The following C1QTNF7 variants were observed in gnomAD, a reference collection of about 807,000 sequenced individuals.
The protein encoded by C1QTNF7 is complement C1q tumor necrosis factor-related protein 7.
In C1QTNF7, 15 loss-of-function variants were observed where a neutral mutation model predicts 19.6. The ratio of observed to expected loss-of-function variants is 0.76; its 90% CI spans 0.51 to 1.18. The LOEUF is 1.18. Among genes scored for constraint, C1QTNF7 ranks in the 50% most tolerant of loss-of-function variants. C1QTNF7 has a pLI of 0.00. For synonymous variants in C1QTNF7, 142 were observed against 137.5 expected, an observed-to-expected ratio of 1.03 and a Z score of -0.23; for missense variants, 324 against 359.7, an observed-to-expected ratio of 0.90 and a Z score of 0.80.
At chr4:15,390,987 T>C (rs1430764435) in intron 1 of C1QTNF7, among the ~76,000 whole-genome samples, 1 of 152,082 alleles carries the variant, frequency 6.6e-6, no homozygotes, top group African/African-American at 2.4e-5. Context: ...ACTCTTTCAA[T>C]TGAAAGCAAT....
At chr4:15,424,998 C>T (rs1212540554), upstream of C1QTNF7, among the ~76,000 whole-genome samples, 1 of 152,044 alleles carries the variant, frequency 6.6e-6, no homozygotes, top group Non-Finnish European at 1.5e-5. Flanking sequence ...CTACTGAATA[C>T]CCAGACCAAG....
Position 15,443,966 on chromosome 4 carries a change from G to A in C1QTNF7, c.*1167G>A, listed in dbSNP as rs189856302. The A allele has an allele frequency of 6.6e-6, 1 of 152,318 alleles. No individual in the cohort carries two copies. Among genetic ancestry groups the A allele is most frequent in the Non-Finnish European group, 1.5e-5 (1 of 68,036 alleles). 9.4% of individuals were successfully genotyped at this position (152,318 alleles called of 1,614,324 possible). A position where few individuals can be genotyped will look rare whatever the true frequency, so the allele number is the denominator to read the frequency against. On this transcript the variant is annotated 3_prime_UTR_variant, in exon 3 of 3. Coordinates refer to ENST00000444304, the MANE Select transcript of C1QTNF7 (RefSeq NM_031911.5). ...AGGAGGGAGAGAGCCAAATGTCTGA[G>A]TAAACAGATATCCCTTCCAAGTCTC...
At chr4:15,378,415 G>A (rs1478362424) in intron 1 of C1QTNF7, among the ~76,000 whole-genome samples, 1 of 152,090 alleles carries the variant, frequency 6.6e-6, no homozygotes, top group Non-Finnish European at 1.5e-5. Context: ...ATAAGTAATT[G>A]TATGAAAAGA....
Position 15,446,166 on chromosome 4 carries a change from G to C in C1QTNF7, c.*3367G>C, listed in dbSNP as rs1474484804. ...ATGAACGTAAATAAATTTTAGATAT[G>C]AGCTGGGTTAGTCCATTTGCATTGC... On this transcript the variant is annotated 3_prime_UTR_variant, in exon 3 of 3. Coordinates refer to ENST00000444304, the MANE Select transcript of C1QTNF7 (RefSeq NM_031911.5). The C allele has an allele frequency of 6.6e-6, 1 of 152,160 alleles. No individual in the cohort carries two copies. Among genetic ancestry groups the C allele is most frequent in the Non-Finnish European group, 1.5e-5 (1 of 68,028 alleles). 9.4% of individuals were successfully genotyped at this position (152,160 alleles called of 1,614,324 possible).
At chr4:15,362,139 C>T (rs976508806) in intron 1 of C1QTNF7, among the ~76,000 whole-genome samples, 23 of 152,254 alleles carry the variant, frequency 1.5e-4, no homozygotes, top group Middle Eastern at 3.4e-3. Context: ...ATGGCTGTTG[C>T]AAAAATTAAT....
intron 1 of C1QTNF7, among the ~76,000 whole-genome samples, chr4:15,412,077 CTG>C (rs1379324827): frequency 6.6e-6 from 1 of 152,122 alleles, no homozygotes; most frequent in Non-Finnish European, 1.5e-5. Flanking sequence ...CCATTGTGAA[CTG>C]TGTATGAGAG....
chr4:15,369,811 G>A (rs1443740427), intron 1 of C1QTNF7, among the ~76,000 whole-genome samples: 7 of 152,268 alleles, frequency 4.6e-5, no homozygotes, highest in Middle Eastern at 3.4e-3. Flanking sequence ...ATAATGGAAG[G>A]TAAGCACCAT....
chr4:15,360,288 TAA>T (rs1446134426), intron 1 of C1QTNF7, among the ~76,000 whole-genome samples: 1 of 152,174 alleles, frequency 6.6e-6, no homozygotes, highest in Non-Finnish European at 1.5e-5. Context: ...TTATGTTCTA[TAA>T]AGTCATAGTG....
intron 1 of C1QTNF7, among the ~76,000 whole-genome samples, chr4:15,411,320 CTT>C (rs905618596): frequency 6.6e-6 from 1 of 152,016 alleles, no homozygotes; most frequent in Non-Finnish European, 1.5e-5. Context: ...GCAAGGAAGA[CTT>C]ATTTTCACTA....
chr4:15,402,134 T>C (rs185669188), intron 1 of C1QTNF7, among the ~76,000 whole-genome samples: 178 of 152,346 alleles, frequency 1.2e-3, no homozygotes, highest in African/African-American at 4.0e-3. Flanking sequence ...ATGTGTTGTT[T>C]AGAGAACAGA....
At chr4:15,441,280 C>T (rs887707424) in intron 2 of C1QTNF7, among the ~76,000 whole-genome samples, 1 of 152,232 alleles carries the variant, frequency 6.6e-6, no homozygotes, top group African/African-American at 2.4e-5. Context: ...TATGGCTCAG[C>T]TTCCTCATTT....
chr4:15,345,890 C>T (rs1282761652), intron 1 of C1QTNF7, among the ~76,000 whole-genome samples: 5 of 152,134 alleles, frequency 3.3e-5, no homozygotes, highest in Non-Finnish European at 7.3e-5. Context: ...AGGTAAGTAG[C>T]TCACCTAACG....
chr4:15,442,118 G>T (rs376919397), intron 2 of C1QTNF7, 50 bp from the exon 3 acceptor site: 88 of 1,532,852 alleles, frequency 5.7e-5, no homozygotes, highest in Non-Finnish European at 7.6e-5. Context: ...TATTGTTTGT[G>T]ATTATATCTT....
chr4:15,393,586 A>C (rs1317208441), intron 1 of C1QTNF7, among the ~76,000 whole-genome samples: 2 of 152,216 alleles, frequency 1.3e-5, no homozygotes, highest in African/African-American at 4.8e-5. Context: ...CTTTGCCTTT[A>C]ACAGGCTTCC....
At chr4:15,417,797 C>T (rs538079201) in intron 1 of C1QTNF7, among the ~76,000 whole-genome samples, 28 of 152,256 alleles carry the variant, frequency 1.8e-4, no homozygotes, top group African/African-American at 6.3e-4. Context: ...AAGCATGGTG[C>T]TGGCATCTGC....
intron 1 of C1QTNF7, among the ~76,000 whole-genome samples, chr4:15,415,925 TTAAC>T (rs1321664037): frequency 6.6e-6 from 1 of 152,220 alleles, no homozygotes; most frequent in Admixed American, 6.5e-5. Context: ...GTGCATTGAT[TTAAC>T]TAATCTTTAA....
chr4:15,408,275 C>CAAA (rs71179625), intron 1 of C1QTNF7, among the ~76,000 whole-genome samples: 18 of 78,400 alleles, frequency 2.3e-4, no homozygotes, highest in African/African-American at 2.0e-4. Context: ...GACTCTGTCT[C>CAAA]AAAAAAAAAA....
At chr4:15,372,078 A>G (rs1478391847) in intron 1 of C1QTNF7, among the ~76,000 whole-genome samples, 1 of 152,168 alleles carries the variant, frequency 6.6e-6, no homozygotes, top group Non-Finnish European at 1.5e-5. Flanking sequence ...AAAAGTCACT[A>G]CCAAGATATC....
chr4:15,346,919 C>G (rs1716738379), intron 1 of C1QTNF7, among the ~76,000 whole-genome samples: 1 of 152,186 alleles, frequency 6.6e-6, no homozygotes, highest in South Asian at 2.1e-4. Context: ...GTTTCTTGGG[C>G]ATCCTTCTTC....
Sources: gnomAD v4.1 joint callset for allele counts (sites outside exome capture counted in the v4.1 genomes callset) on GRCh38, gnomAD v4.1.1 for gene constraint, MANE v1.5 for transcripts, NCBI Gene and HGNC (gene_info 2026-07-23, HGNC 2026-07-21) for gene names.